MAP3K4: variants seen among roughly 807,000 people sequenced by gnomAD.
MAP3K4 encodes the protein MAP three kinase 1.
In MAP3K4, 67 loss-of-function variants were observed where a neutral mutation model predicts 185.6. That is an observed-to-expected ratio of 0.36 (90% CI 0.30 to 0.44). MAP3K4 has a LOEUF of 0.44. Ranked by LOEUF, MAP3K4 falls within the 20% of genes least tolerant of loss-of-function variation. The probability of loss-of-function intolerance (pLI) is 1.00; values close to 1 mark genes in which losing one functional copy is unlikely to be tolerated. For synonymous variants in MAP3K4, 702 were observed against 710.4 expected (o/e 0.99, Z 0.19); for missense variants, 1,551 against 1,995.1 (o/e 0.78, Z 4.24).
chr6:161,117,014 G>T lies in MAP3K4; in HGVS notation c.*144G>T. 2.7e-6 allele frequency: 2 copies of T among 737,304 alleles called. No homozygotes were observed. The highest frequency in any genetic ancestry group is 2.2e-6 in the Non-Finnish European group (1 of 444,566). 45.7% of individuals were successfully genotyped at this position (737,304 alleles called of 1,614,324 possible). Reference sequence around the variant, plus strand: ...ACAGGTGACAAGCGTCACTTCTCCTGCTGCTCCTGTTTGTCTGATGTGGCA... The same window carrying T: ...ACAGGTGACAAGCGTCACTTCTCCTTCTGCTCCTGTTTGTCTGATGTGGCA... On this transcript the variant is annotated 3_prime_UTR_variant, in exon 27 of 27. Transcript: ENST00000392142.
rs3050252 is a variant in MAP3K4, at chr6:161,107,050, G to GCACACACACA, written c.4048+365_4048+374dup. ...TCTCTCTCTCTCTACACACGCGCGCGCACACACACACACACACACACACAC... is the reference window on the plus strand; with the variant it reads ...TCTCTCTCTCTCTACACACGCGCGCGCACACACACACACACACACACACACACACACACAC... On this transcript the variant is annotated intron_variant, in intron 20 of 26. Coordinates refer to ENST00000392142, the MANE Select transcript of MAP3K4 (RefSeq NM_005922.4). This position sits in a 1 kb window ranked among gnomAD's most constrained non-coding sequence, Gnocchi z 6.2. Among the ~76,000 whole-genome samples the GCACACACACA allele has an allele frequency of 1.6e-3, 172 of 105,246 alleles. No individual in the cohort carries two copies. Among genetic ancestry groups the GCACACACACA allele is most frequent in the African/African-American group, 5.4e-3 (162 of 29,870 alleles). The allele number at this position is 105,246 out of a possible 152,430, so 69.0% of individuals were successfully genotyped here.
rs1778582946 is a variant in MAP3K4 at position 161,116,104 on chromosome 6, GGTGA to G, written c.4807-740_4807-737del. The stretch of plus-strand genomic sequence containing the variant: ...GGCTGACCCCTGATTGGATGTGAAA[GGTGA>G]GTGAGGGGAGGAGTCTAGAGTGGCT... On this transcript the variant is annotated intron_variant, in intron 26 of 26. Transcript: ENST00000392142. This position sits in a 1 kb window ranked among gnomAD's most constrained non-coding sequence, Gnocchi z 6.2. Among the ~76,000 whole-genome samples, 1 of 152,124 alleles carries G rather than the reference GGTGA, an allele frequency of 6.6e-6. No homozygotes were observed. Among genetic ancestry groups the G allele is most frequent in the African/African-American group, 2.4e-5 (1 of 41,444 alleles).
chr6:161,025,353 A>G (rs1782596477), intron 1 of MAP3K4, among the ~76,000 whole-genome samples: 1 of 152,208 alleles, frequency 6.6e-6, no homozygotes, highest in Non-Finnish European at 1.5e-5. Flanking sequence ...CTGTGCCGTC[A>G]AAGCAAAGGT....
Position 161,080,964 on chromosome 6 carries a change from A to C in MAP3K4, c.2181A>C (p.Glu727Asp). ...QASHSLKNLL[E>D]EEWNFTKEIT... is the part of the protein sequence containing the mutation. ...CGCATAGTTTAAAAAATCTGTTAGAAGAAGAATGGAATTTCACCAAAGAAA... is the reference window on the plus strand; with the variant it reads ...CGCATAGTTTAAAAAATCTGTTAGACGAAGAATGGAATTTCACCAAAGAAA... The change falls in exon 6 of 27, where the codon GAA becomes GAC. Residue 727 changes from glutamate to aspartate, a missense_variant. Glu to Asp is a conservative substitution (Grantham distance 45). Transcript: ENST00000392142. This position sits in a 1 kb window ranked among gnomAD's most constrained non-coding sequence, Gnocchi z 4.8. 6.2e-7 allele frequency: 1 copy of C among 1,614,176 alleles called. No individual in the cohort carries two copies. Among genetic ancestry groups the C allele is most frequent in the Non-Finnish European group, 8.5e-7 (1 of 1,180,010 alleles).
Position 161,082,525 on chromosome 6 carries a change from A to T in MAP3K4, c.2255+1487A>T, listed in dbSNP as rs374966437. On this transcript the variant is annotated intron_variant, in intron 6 of 26. Transcript: ENST00000392142. The surrounding 1 kb of genome is among the most constrained non-coding windows in gnomAD (Gnocchi z 4.2). ...CCCTGAGAAGCTCCAGGGCTTTTTC[A>T]TTCCCCCTTCTTGTGAACAGTCCAC... 6.6e-6 allele frequency among the ~76,000 whole-genome samples: 1 copy of T among 151,586 alleles called. No individual in the cohort carries two copies. The highest frequency in any genetic ancestry group is 2.1e-4 in the South Asian group (1 of 4,806).
rs74534332 is a variant in MAP3K4, at chr6:161,047,802, A to T, written c.344-814A>T. ...AGCAATTAATAGTGTTAAAAGTGCC[A>T]TACAGGATGTATGTGTGTTCATTTT... On this transcript the variant is annotated intron_variant, in intron 2 of 26. Coordinates refer to ENST00000392142, the MANE Select transcript of MAP3K4 (RefSeq NM_005922.4). 8.5e-3 allele frequency among the ~76,000 whole-genome samples: 1,289 copies of T among 152,380 alleles called. 20 individuals are homozygous for T. Among genetic ancestry groups the T allele is most frequent in the African/African-American group, 0.03 (1,232 of 41,590 alleles).
intron 3 of MAP3K4, among the ~76,000 whole-genome samples, chr6:161,062,928 A>G (rs1350127220): frequency 6.6e-6 from 1 of 151,944 alleles, no homozygotes; most frequent in Non-Finnish European, 1.5e-5. Context: ...TTACAGTTTC[A>G]CATTTTTGCT....
In MAP3K4 at chr6:161,117,062, G is replaced by T. The variant is rs1434344406; in HGVS notation, c.*192G>T. ...GCAAAAGGCCCTCTGGAGGGCTGGT[G>T]GCCACGAGGTTAAAGAAGCTGCATG... On this transcript the variant is annotated 3_prime_UTR_variant, in exon 27 of 27. Coordinates refer to ENST00000392142, the MANE Select transcript of MAP3K4 (RefSeq NM_005922.4). 1.7e-6 allele frequency: 1 copy of T among 604,064 alleles called. No individual in the cohort carries two copies. Among genetic ancestry groups the T allele is most frequent in the Admixed American group, 3.0e-5 (1 of 33,158 alleles). 37.4% of individuals were successfully genotyped at this position (604,064 alleles called of 1,614,324 possible). A position where few individuals can be genotyped will look rare whatever the true frequency, so the allele number is the denominator to read the frequency against.
At chr6:161,041,946 TG>T (rs1347185956) in intron 2 of MAP3K4, among the ~76,000 whole-genome samples, 1 of 117,864 alleles carries the variant, frequency 8.5e-6, no homozygotes, top group Non-Finnish European at 1.7e-5. Context: ...TTTTTAGAGA[TG>T]GGGTCTCGCT....
Position 161,077,294 on chromosome 6 carries a change from C to T in MAP3K4, c.2098-3587C>T, listed in dbSNP as rs1785221228. Among the ~76,000 whole-genome samples the T allele has an allele frequency of 6.6e-6, 1 of 151,912 alleles. No homozygotes were observed. The highest frequency in any genetic ancestry group is 2.4e-5 in the African/African-American group (1 of 41,320). Reference sequence around the variant, plus strand: ...TTGAAAAAAATATCTACATGTACCCCGGAACTTAAAATAAAAATTAAAGAA... The same window carrying T: ...TTGAAAAAAATATCTACATGTACCCTGGAACTTAAAATAAAAATTAAAGAA... On this transcript the variant is annotated intron_variant, in intron 5 of 26. Transcript: ENST00000392142. This position sits in a 1 kb window ranked among gnomAD's most constrained non-coding sequence, Gnocchi z 4.3.
Position 161,112,935 on chromosome 6 carries a change from G to A in MAP3K4, c.4626+161G>A, listed in dbSNP as rs900707511. ...GATCCATCAAAAGATTAAGACAAAT[G>A]ACAAACCAGGAAACAAATATTTGTA... On this transcript the variant is annotated intron_variant, in intron 25 of 26. Transcript: ENST00000392142. This position sits in a 1 kb window ranked among gnomAD's most constrained non-coding sequence, Gnocchi z 5.1. Among the ~76,000 whole-genome samples the A allele has an allele frequency of 6.6e-6, 1 of 152,172 alleles. No homozygotes were observed. The highest frequency in any genetic ancestry group is 1.9e-4 in the East Asian group (1 of 5,200).
At position 161,101,446 on chromosome 6, in the gene MAP3K4, A is replaced by G. The variant is rs9458121; in HGVS notation, c.3675-446A>G. 0.082 allele frequency: 12,505 copies of G among 152,552 alleles called. 646 individuals are homozygous for G. The highest frequency in any genetic ancestry group is 0.14 in the African/African-American group (5,977 of 41,530). The allele number at this position is 152,552 out of a possible 1,614,324, so 9.4% of individuals were successfully genotyped here. ...AGATCAGCAAGATTTGGTTAATAACAGTTTTATTCACCCTGGGCTTAAGTT... is the reference window on the plus strand; with the variant it reads ...AGATCAGCAAGATTTGGTTAATAACGGTTTTATTCACCCTGGGCTTAAGTT... On this transcript the variant is annotated intron_variant, in intron 17 of 26. Coordinates refer to ENST00000392142, the MANE Select transcript of MAP3K4 (RefSeq NM_005922.4). The surrounding 1 kb of genome is among the most constrained non-coding windows in gnomAD (Gnocchi z 5.1).
chr6:161,070,643 T>TTATG lies in MAP3K4; in HGVS notation c.1745_1748dup (p.Gln584CysfsTer11). ...TTCCAGATCCCATGTGGGGTTCAGA[T>TTATG]TATGTGCAGTTGTCAAGGACACCAC... On this transcript the variant is annotated frameshift_variant, in exon 4 of 27. Transcript: ENST00000392142. LOFTEE classifies it high-confidence loss of function. This position sits in a 1 kb window ranked among gnomAD's most constrained non-coding sequence, Gnocchi z 4.5. The TTATG allele has an allele frequency of 6.2e-7, 1 of 1,613,980 alleles. No individual in the cohort carries two copies. The highest frequency in any genetic ancestry group is 8.5e-7 in the Non-Finnish European group (1 of 1,180,000).
In MAP3K4 at chr6:161,075,883, T is replaced by A. The variant is rs1411871217; in HGVS notation, c.2097+2271T>A. Among the ~76,000 whole-genome samples the A allele has an allele frequency of 6.6e-6, 1 of 152,176 alleles. No individual in the cohort carries two copies. The highest frequency in any genetic ancestry group is 6.5e-5 in the Admixed American group (1 of 15,282). ...TATGGCCTATAATGTGCTAGAAGGA[T>A]CAGGGCAAAGGTGTGTTCTGAGGAC... On this transcript the variant is annotated intron_variant, in intron 5 of 26. Transcript: ENST00000392142. The surrounding 1 kb of genome is among the most constrained non-coding windows in gnomAD (Gnocchi z 4.3).
chr6:161,041,744 G>T (rs1252276947), intron 2 of MAP3K4, among the ~76,000 whole-genome samples: 4 of 152,030 alleles, frequency 2.6e-5, no homozygotes, highest in Non-Finnish European at 5.9e-5. Context: ...CCTTGTCTTG[G>T]ACCTTTTAGA....
chr6:161,011,435 G>T (rs35409033), intron 1 of MAP3K4, among the ~76,000 whole-genome samples: 35 of 152,104 alleles, frequency 2.3e-4, no homozygotes, highest in African/African-American at 8.4e-4. Context: ...TGGCAGTCTC[G>T]TATTGGTTGC....
intron 3 of MAP3K4, among the ~76,000 whole-genome samples, chr6:161,058,016 A>G (rs542788823): frequency 5.9e-5 from 9 of 152,362 alleles, no homozygotes; most frequent in South Asian, 2.1e-4. Context: ...CAATAGTAAT[A>G]TTGAGAAGAC....
At position 161,115,393 on chromosome 6, in the gene MAP3K4, G is replaced by A; in HGVS notation, c.4806+91G>A. 1 of 1,272,084 alleles carries A rather than the reference G, an allele frequency of 7.9e-7. No individual in the cohort carries two copies. The highest frequency in any genetic ancestry group is 1.5e-5 in the South Asian group (1 of 65,688). 78.8% of individuals were successfully genotyped at this position (1,272,084 alleles called of 1,614,324 possible). A position where few individuals can be genotyped will look rare whatever the true frequency, so the allele number is the denominator to read the frequency against. Reference sequence around the variant, plus strand: ...GTTAATGAAATTTTGAAACTTTAAAGTAGCTATATCTGAAGTGGAAAGGAA... The same window carrying A: ...GTTAATGAAATTTTGAAACTTTAAAATAGCTATATCTGAAGTGGAAAGGAA... On this transcript the variant is annotated intron_variant, in intron 26 of 26. Transcript: ENST00000392142. The surrounding 1 kb of genome is among the most constrained non-coding windows in gnomAD (Gnocchi z 6.0).
intron 2 of MAP3K4, among the ~76,000 whole-genome samples, chr6:161,042,966 GT>G (rs1783556988): frequency 6.6e-6 from 1 of 151,718 alleles, no homozygotes; most frequent in South Asian, 2.1e-4. Context: ...ATATCTCAAG[GT>G]GTGTGTGTGT....
Sources: gnomAD v4.1 joint callset for allele counts (sites outside exome capture counted in the v4.1 genomes callset) on GRCh38, gnomAD v4.1.1 for gene constraint, Gnocchi (gnomAD v3.1) non-coding constraint, MANE v1.5 for transcripts, NCBI Gene and HGNC (gene_info 2026-07-23, HGNC 2026-07-21) for gene names.